DPP10: variants seen among roughly 807,000 people sequenced by gnomAD.
DPP10 encodes inactive dipeptidyl peptidase 10.
Under a neutral mutation model 120.9 loss-of-function variants are expected in DPP10, and 33 were observed. The ratio of observed to expected loss-of-function variants is 0.27; its 90% CI spans 0.21 to 0.37. DPP10 has a LOEUF of 0.37. Ranked by LOEUF, DPP10 falls within the 10% of genes least tolerant of loss-of-function variation. The pLI, the probability that DPP10 is intolerant of heterozygous loss-of-function variation, is 1.00. For missense variants in DPP10, 816 were observed against 942.8 expected (o/e 0.87, Z 1.76); for synonymous variants, 337 against 326.1 (o/e 1.03, Z -0.36).
chr2:115,756,124 T>C (rs773397974), intron 11 of DPP10, among the ~76,000 whole-genome samples: 2 of 151,974 alleles, frequency 1.3e-5, no homozygotes, highest in Non-Finnish European at 2.9e-5. Flanking sequence ...ATCTGGGGGA[T>C]AAAAGAAATT....
chr2:114,912,419 A>G (rs895844772), intron 1 of DPP10, among the ~76,000 whole-genome samples: 2 of 152,182 alleles, frequency 1.3e-5, no homozygotes, highest in East Asian at 1.9e-4. Context: ...ACTAACCTGT[A>G]TGTGCCTCAG....
intron 3 of DPP10, among the ~76,000 whole-genome samples, chr2:115,428,359 G>T (rs754563635): frequency 6.6e-6 from 1 of 152,094 alleles, no homozygotes; most frequent in Non-Finnish European, 1.5e-5. Flanking sequence ...TTCTTGCTTT[G>T]CTATTAGAAA....
chr2:115,641,389 A>G (rs556373756), intron 5 of DPP10, among the ~76,000 whole-genome samples: 3 of 152,252 alleles, frequency 2.0e-5, no homozygotes, highest in Admixed American at 1.3e-4. Flanking sequence ...TCTGCATTTC[A>G]GCATCACAGA....
At chr2:115,226,761 A>G (rs1311309721) in intron 1 of DPP10, among the ~76,000 whole-genome samples, 1 of 152,164 alleles carries the variant, frequency 6.6e-6, no homozygotes, top group African/African-American at 2.4e-5. Flanking sequence ...ATTTAATTAA[A>G]TATGTGGATG....
chr2:114,782,346 T>C (rs964003233), intron 1 of DPP10, among the ~76,000 whole-genome samples: 4 of 145,278 alleles, frequency 2.8e-5, no homozygotes, highest in Non-Finnish European at 4.5e-5. Context: ...TATATATATA[T>C]GGAATATATA....
At chr2:115,119,496 C>A (rs2049711444) in intron 1 of DPP10, among the ~76,000 whole-genome samples, 1 of 152,138 alleles carries the variant, frequency 6.6e-6, no homozygotes, top group Admixed American at 6.5e-5. Context: ...GTATGCCTAC[C>A]TAGGTACTCT....
intron 1 of DPP10, among the ~76,000 whole-genome samples, chr2:114,816,090 G>T (rs1436586036): frequency 6.6e-6 from 1 of 152,136 alleles, no homozygotes; most frequent in Non-Finnish European, 1.5e-5. Flanking sequence ...AATGCAGTCT[G>T]CTTATTACAG....
intron 5 of DPP10, among the ~76,000 whole-genome samples, chr2:115,544,481 A>C (rs1226478979): frequency 6.6e-6 from 1 of 152,074 alleles, no homozygotes; most frequent in Non-Finnish European, 1.5e-5. Flanking sequence ...GGCCATGGGA[A>C]ATATGAGCAA....
chr2:114,514,425 A>G (rs931780646), intron 1 of DPP10, among the ~76,000 whole-genome samples: 4 of 152,212 alleles, frequency 2.6e-5, no homozygotes, highest in Admixed American at 2.6e-4. Flanking sequence ...AAACACCTTC[A>G]AAACCACCCT....
At chr2:115,598,667 G>A (rs2083132977) in intron 5 of DPP10, among the ~76,000 whole-genome samples, 1 of 151,650 alleles carries the variant, frequency 6.6e-6, no homozygotes, top group South Asian at 2.1e-4. Context: ...TTGCTTTAAA[G>A]GGTAAATTAT....
intron 1 of DPP10, among the ~76,000 whole-genome samples, chr2:115,110,326 T>C (rs1479210996): frequency 1.4e-4 from 21 of 152,182 alleles, no homozygotes; most frequent in Admixed American, 1.4e-3. Context: ...CTCCGTGTTT[T>C]AGTTTTCTTA....
At chr2:114,682,454 A>T (rs758908771) in intron 1 of DPP10, among the ~76,000 whole-genome samples, 3 of 151,876 alleles carry the variant, frequency 2.0e-5, no homozygotes, top group Non-Finnish European at 4.4e-5. Flanking sequence ...TAATGCTTCC[A>T]GTGTATATTA....
intron 1 of DPP10, among the ~76,000 whole-genome samples, chr2:114,716,086 T>A (rs1399235447): frequency 6.6e-6 from 1 of 151,468 alleles, no homozygotes; most frequent in African/African-American, 2.4e-5. Context: ...CTTAAGACTT[T>A]TAGAAAATCA....
At chr2:115,449,421 A>G (rs551447064) in intron 3 of DPP10, among the ~76,000 whole-genome samples, 2 of 152,242 alleles carry the variant, frequency 1.3e-5, no homozygotes, top group African/African-American at 4.8e-5. Context: ...TATTGAGACA[A>G]TTCTATTAAC....
intron 1 of DPP10, among the ~76,000 whole-genome samples, chr2:115,281,675 A>G (rs1456135416): frequency 6.6e-6 from 1 of 152,166 alleles, no homozygotes; most frequent in Non-Finnish European, 1.5e-5. Flanking sequence ...GTGCCCAGCA[A>G]GAAAATATAT....
intron 3 of DPP10, among the ~76,000 whole-genome samples, chr2:115,414,094 G>C (rs1353530549): frequency 6.6e-6 from 1 of 152,062 alleles, no homozygotes; most frequent in African/African-American, 2.4e-5. Flanking sequence ...TTCATGCCAG[G>C]TTTGTCTAGG....
At chr2:115,574,187 T>C (rs926963610) in intron 5 of DPP10, among the ~76,000 whole-genome samples, 4 of 152,166 alleles carry the variant, frequency 2.6e-5, no homozygotes, top group African/African-American at 9.7e-5. Flanking sequence ...ATTTTCAGGA[T>C]TAATTAGCCC....
chr2:115,279,700 C>T (rs1318994601), intron 1 of DPP10, among the ~76,000 whole-genome samples: 2 of 66,278 alleles, frequency 3.0e-5, no homozygotes, highest in Non-Finnish European at 5.5e-5. Flanking sequence ...GGATTTCTGT[C>T]GCCCAGGCTG....
In DPP10 at chr2:115,197,115, C is replaced by T. The variant is rs577488013; in HGVS notation, c.61-112124C>T. ...GAGGAAACGAAGGAGTAGGCAAGGCCGGGAGGGGTGGCTCACGCCTATAAT... is the reference window on the plus strand; with the variant it reads ...GAGGAAACGAAGGAGTAGGCAAGGCTGGGAGGGGTGGCTCACGCCTATAAT... On this transcript the variant is annotated intron_variant, in intron 1 of 25. Transcript: ENST00000410059. 2.6e-5 allele frequency among the ~76,000 whole-genome samples: 4 copies of T among 152,076 alleles called. No homozygotes were observed. In the South Asian group the frequency reaches 6.2e-4, roughly 24 times the overall value.
Sources: gnomAD v4.1 joint callset for allele counts (sites outside exome capture counted in the v4.1 genomes callset) on GRCh38, gnomAD v4.1.1 for gene constraint, MANE v1.5 for transcripts, NCBI Gene and HGNC (gene_info 2026-07-23, HGNC 2026-07-21) for gene names.